USF2: variants seen among roughly 807,000 people sequenced by gnomAD.
USF2 encodes upstream transcription factor 2, c-fos interacting.
In USF2, 16 loss-of-function variants were observed where a neutral mutation model predicts 46.9. That is an observed-to-expected ratio of 0.34 (90% CI 0.23 to 0.52). USF2 has a LOEUF of 0.52. Among genes scored for constraint, USF2 ranks in the 20% least tolerant of loss-of-function variants. USF2 has a pLI of 0.96. For synonymous variants in USF2, 239 were observed against 194.1 expected (o/e 1.23, Z -1.92); for missense variants, 411 against 474.0 (o/e 0.87, Z 1.23).
At chr19:35,275,210 C>T (rs1458767077) in intron 7 of USF2, 1 of 152,104 alleles carries the variant, frequency 6.6e-6, no homozygotes, top group Non-Finnish European at 1.5e-5. Flanking sequence ...CCACACCTAG[C>T]TAGTTTTTGT....
intron 6 of USF2, 45 bp downstream of exon 6, chr19:35,270,850 G>T (rs776820884): frequency 6.2e-7 from 1 of 1,610,026 alleles, no homozygotes; most frequent in African/African-American, 1.3e-5. Context: ...GAAATGGAAG[G>T]AAGAGGGGTT....
chr19:35,270,061 T>C lies in USF2; in HGVS notation c.429+58T>C, dbSNP rs930288812. On this transcript the variant is annotated intron_variant, in intron 4 of 9. Coordinates refer to ENST00000222305, the MANE Select transcript of USF2 (RefSeq NM_003367.4). ...GAGGGAGTGGAGAGGGGACACTGGCTCTGCTCTTGGGGAGCCCCGGGGGTG... is the reference window on the plus strand; with the variant it reads ...GAGGGAGTGGAGAGGGGACACTGGCCCTGCTCTTGGGGAGCCCCGGGGGTG... 28 of 1,347,804 alleles carry C rather than the reference T, an allele frequency of 2.1e-5. 1 individual carries two copies. In the South Asian group the frequency reaches 4.9e-4, roughly 24 times the overall value. The allele number at this position is 1,347,804 out of a possible 1,614,324, so 83.5% of individuals were successfully genotyped here.
rs189761312 is a variant in USF2 at position 35,273,502 on chromosome 19, C to T, written c.727+2361C>T. On this transcript the variant is annotated intron_variant, in intron 7 of 9. Coordinates refer to ENST00000222305, the MANE Select transcript of USF2 (RefSeq NM_003367.4). ...GTGCCGGGGAATCTGTGTTTTCCAT[C>T]AGCTCTTCAGGTGATTTGTCATAGT... Among the ~76,000 whole-genome samples, 18 of 152,348 alleles carry T rather than the reference C, an allele frequency of 1.2e-4. No homozygotes were observed. The East Asian group carries it at 3.3e-3, about 28-fold the overall frequency.
In USF2 at chr19:35,270,486, G is replaced by A. The variant is rs892470977; in HGVS notation, c.469G>A (p.Ala157Thr). The change falls in exon 5 of 10, where the codon GCG becomes ACG. Residue 157 changes from alanine to threonine, a missense_variant. Physicochemically the swap from Ala to Thr is moderately conservative, Grantham distance 58. Around this residue, in one of 2 missense-constraint regions of USF2, gnomAD observed 318 missense variants for 322.4 expected, o/e 0.99. Transcript: ENST00000222305. ...QNPFSNGGSPAAEAVSGEARF... is the reference protein window; with the variant it reads ...QNPFSNGGSPTAEAVSGEARF... ...TCCCTTCAGCAATGGTGGCAGTCCG[G>A]CGGCCGAGGCTGTCAGCGGGGAGGC... 5 of 1,614,022 alleles carry A rather than the reference G, an allele frequency of 3.1e-6. No individual in the cohort carries two copies. Among genetic ancestry groups the A allele is most frequent in the Non-Finnish European group, 4.2e-6 (5 of 1,180,016 alleles).
At chr19:35,270,919 C>G (rs943396518) in intron 6 of USF2, 114 bp downstream of exon 6, 5 of 1,463,004 alleles carry the variant, frequency 3.4e-6, no homozygotes, top group Non-Finnish European at 4.7e-6. Context: ...TGTTTTTTTT[C>G]TTTGCCTGTT....
At position 35,279,272 on chromosome 19, in the gene USF2, C is replaced by A; in HGVS notation, c.*16C>A. ...CCGGCAGTGACGCCCGCCACCACCA[C>A]GCAGCCGCCGCCGCCCACGCCGGCC... On this transcript the variant is annotated 3_prime_UTR_variant, in exon 10 of 10. Transcript: ENST00000222305. The A allele has an allele frequency of 6.7e-7, 1 of 1,491,168 alleles. No individual in the cohort carries two copies. 92.4% of individuals were successfully genotyped at this position (1,491,168 alleles called of 1,614,324 possible). A position where few individuals can be genotyped will look rare whatever the true frequency, so the allele number is the denominator to read the frequency against.
chr19:35,276,068 TC>T (rs1276454571), intron 7 of USF2, among the ~76,000 whole-genome samples: 1 of 117,488 alleles, frequency 8.5e-6, no homozygotes, highest in Non-Finnish European at 1.9e-5. Flanking sequence ...CTGAATTTTC[TC>T]TTTTTTTTTT....
At chr19:35,269,729 CG>C (rs1475869470) in intron 3 of USF2, 30 bp downstream of exon 3, 2 of 557,752 alleles carry the variant, frequency 3.6e-6, no homozygotes, top group Non-Finnish European at 2.3e-6. Context: ...GGCGAACGGG[CG>C]GGCGGGCGGG....
chr19:35,270,986 C>A, intron 6 of USF2, 97 bp from the exon 7 acceptor site: 1 of 1,530,906 alleles, frequency 6.5e-7, no homozygotes, highest in Non-Finnish European at 9.0e-7. Context: ...GATGGATTTA[C>A]CTTGCAAAGA....
rs767911599 is a variant in USF2, at chr19:35,269,430, C to T, written c.63-16C>T. 4.0e-6 allele frequency: 6 copies of T among 1,513,302 alleles called. No individual in the cohort carries two copies. Among genetic ancestry groups the T allele is most frequent in the South Asian group, 1.2e-5 (1 of 81,348 alleles). 93.7% of individuals were successfully genotyped at this position (1,513,302 alleles called of 1,614,324 possible). ...GCGGGCCGCGCTGACCCTGCTCCCT[C>T]CTGTGCCCCTGGCAGCCACGACAAG... On this transcript the variant is annotated splice_polypyrimidine_tract_variant and intron_variant, in intron 1 of 9. Transcript: ENST00000222305.
rs368496403 is a variant in USF2 at position 35,270,470 on chromosome 19, C to G, written c.453C>G (p.Ser151Arg). 1 of 1,613,638 alleles carries G rather than the reference C, an allele frequency of 6.2e-7. No homozygotes were observed. The highest frequency in any genetic ancestry group is 1.3e-5 in the African/African-American group (1 of 75,030). ...FPLAVIQNPF[S>R]NGGSPAAEAV... ...AGGCTGTGATCCAAAATCCCTTCAG[C>G]AATGGTGGCAGTCCGGCGGCCGAGG... The change falls in exon 5 of 10, where the codon AGC (serine) becomes AGG (arginine). Residue 151 changes from serine to arginine, a missense_variant. Physicochemically the swap from Ser to Arg is moderately radical, Grantham distance 110 (BLOSUM62 -1). This residue lies in a region of USF2 where 318 missense variants were observed against 322.4 expected (regional missense o/e 0.99). Coordinates refer to ENST00000222305, the MANE Select transcript of USF2 (RefSeq NM_003367.4).
chr19:35,271,335 G>A (rs567408420), intron 7 of USF2, among the ~76,000 whole-genome samples, 194 bp downstream of exon 7: 1 of 152,336 alleles, frequency 6.6e-6, no homozygotes, highest in Admixed American at 6.5e-5. Flanking sequence ...AGAGGGACAG[G>A]GAGTGTGAAT....
chr19:35,270,196 C>A, intron 4 of USF2, 193 bp downstream of exon 4: 2 of 900,164 alleles, frequency 2.2e-6, no homozygotes, highest in Non-Finnish European at 1.6e-6. Flanking sequence ...TTTTTTTTTC[C>A]CGCAAAATGG....
chr19:35,270,381 G>A, intron 4 of USF2, 66 bp from the exon 5 acceptor site: 1 of 1,569,148 alleles, frequency 6.4e-7, no homozygotes, highest in Non-Finnish European at 8.6e-7. Context: ...CCCAAGCACA[G>A]CAATGAGGGG....
intron 7 of USF2, among the ~76,000 whole-genome samples, chr19:35,276,523 A>G (rs914866525): frequency 1.3e-5 from 2 of 152,070 alleles, no homozygotes; most frequent in African/African-American, 4.8e-5. Flanking sequence ...GCCTGGATTC[A>G]AGGGCCTGGG....
chr19:35,270,402 G>A (rs182487815), intron 4 of USF2, 45 bp from the exon 5 acceptor site: 39 of 1,588,358 alleles, frequency 2.5e-5, no homozygotes, highest in East Asian at 4.5e-5. Flanking sequence ...ACGGGATGGA[G>A]GAACAGAGAA....
intron 3 of USF2, 40 bp from the exon 4 acceptor site, chr19:35,269,762 TG>T (rs1468173962): frequency 4.0e-6 from 6 of 1,491,626 alleles, no homozygotes; most frequent in Non-Finnish European, 3.6e-6. Context: ...GGCTCGGACC[TG>T]GCCCCAGCGC....
At chr19:35,276,109 T>G (rs1169866670) in intron 7 of USF2, among the ~76,000 whole-genome samples, 2 of 147,848 alleles carry the variant, frequency 1.4e-5, no homozygotes, top group African/African-American at 5.0e-5. Context: ...TCTCGCTCTG[T>G]CACCCAAGCT....
Position 35,269,464 on chromosome 19 carries a change from G to C in USF2, c.81G>C (p.Glu27Asp), listed in dbSNP as rs1245850553. Reference sequence around the variant, plus strand: ...CTGGCAGCCACGACAAGGGACCCGAGGCGGAGGAGGGCGTCGAGCTGCAGG... The same window carrying C: ...CTGGCAGCCACGACAAGGGACCCGACGCGGAGGAGGGCGTCGAGCTGCAGG... ...AAAASHDKGP[E>D]AEEGVELQEG... Residue 27 changes from glutamate to aspartate, a missense_variant, in exon 2 of 10, where the codon GAG (glutamate) becomes GAC (aspartate). This residue lies in a region of USF2 where 318 missense variants were observed against 322.4 expected (regional missense o/e 0.99). Transcript: ENST00000222305. 1 of 1,547,732 alleles carries C rather than the reference G, an allele frequency of 6.5e-7. No homozygotes were observed. The highest frequency in any genetic ancestry group is 1.2e-5 in the South Asian group (1 of 84,298).
Sources: allele counts gnomAD v4.1 joint callset (sites outside exome capture counted in the v4.1 genomes callset), GRCh38; gene constraint gnomAD v4.1.1; regional missense constraint gnomAD v4.1.1; transcripts MANE v1.5; gene names NCBI Gene and HGNC (gene_info 2026-07-23, HGNC 2026-07-21).